Variants in SOX5 observed in about 807,000 individuals in gnomAD.
SOX5 encodes the protein SRY-box transcription factor 5.
A neutral mutation model predicts 92.0 loss-of-function variants in SOX5; 9 were observed. The observed-to-expected ratio is 0.10, with a 90% CI of 0.06 to 0.17. The LOEUF (loss-of-function observed/expected upper bound fraction) is 0.17, where lower values mean the gene tolerates loss of function less well. Among genes scored for constraint, SOX5 ranks in the 10% least tolerant of loss-of-function variants. SOX5 has a pLI of 1.00. For missense variants in SOX5, 642 were observed against 944.5 expected (o/e 0.68, Z 4.20); for synonymous variants, 344 against 336.3 (o/e 1.02, Z -0.25).
chr12:24,288,344 T>G (rs1314701348), intron 2 of SOX5, among the ~76,000 whole-genome samples: 1 of 152,216 alleles, frequency 6.6e-6, no homozygotes, highest in African/African-American at 2.4e-5. Flanking sequence ...GCCATCTGTT[T>G]TTGTCTCTTA....
At chr12:24,481,410 TAA>T (rs1451254142) in intron 1 of SOX5, among the ~76,000 whole-genome samples, 1 of 152,060 alleles carries the variant, frequency 6.6e-6, no homozygotes, top group East Asian at 1.9e-4. Context: ...TAAAAATAAC[TAA>T]AAGAGTATAA....
intron 2 of SOX5, among the ~76,000 whole-genome samples, chr12:24,358,941 T>C (rs1955191299): frequency 6.6e-6 from 1 of 152,224 alleles, no homozygotes; most frequent in African/African-American, 2.4e-5. Flanking sequence ...ACGTTTACCT[T>C]AGAAAGGAGG....
chr12:23,573,139 C>T lies in SOX5; in HGVS notation c.1342+2522G>A, dbSNP rs564832954. Reference sequence around the variant, plus strand: ...TCTATACATGTCTTTTGCACTTTTTCATATCTATACATGTCTCTAACTCTT... The same window carrying T: ...TCTATACATGTCTTTTGCACTTTTTTATATCTATACATGTCTCTAACTCTT... On this transcript the variant is annotated intron_variant, in intron 10 of 14. Transcript: ENST00000451604. Among the ~76,000 whole-genome samples, 4 of 152,118 alleles carry T rather than the reference C, an allele frequency of 2.6e-5. No homozygotes were observed. In the South Asian group the frequency reaches 6.2e-4, roughly 24 times the overall value.
chr12:24,359,350 G>T (rs1220673506), intron 2 of SOX5, among the ~76,000 whole-genome samples: 1 of 152,202 alleles, frequency 6.6e-6, no homozygotes, highest in Non-Finnish European at 1.5e-5. Context: ...TGATGCTCCG[G>T]TCTTGCCGTT....
intron 1 of SOX5, chr12:23,944,040 T>C (rs1319599595): frequency 6.6e-6 from 1 of 152,124 alleles, no homozygotes; most frequent in Non-Finnish European, 1.5e-5. Context: ...TTGGGTTTTT[T>C]GTTTTGTTTG....
chr12:23,842,433 T>C (rs2096529999), intron 3 of SOX5, among the ~76,000 whole-genome samples: 1 of 152,112 alleles, frequency 6.6e-6, no homozygotes, highest in Admixed American at 6.6e-5. Flanking sequence ...TATACATATA[T>C]AGGTTAGTAC....
chr12:23,990,502 G>C (rs1169921612), intron 4 of SOX5, among the ~76,000 whole-genome samples: 2 of 152,086 alleles, frequency 1.3e-5, no homozygotes, highest in African/African-American at 4.8e-5. Flanking sequence ...GCAGGCTATT[G>C]CTTTTAACTA....
intron 10 of SOX5, among the ~76,000 whole-genome samples, chr12:23,570,910 CAAAAAAAA>C (rs148593886): frequency 4.2e-3 from 34 of 8,154 alleles, no homozygotes; most frequent in South Asian, 0.013. Context: ...GACTCCAACT[CAAAAAAAA>C]AAAAAAAAAA....
intron 4 of SOX5, among the ~76,000 whole-genome samples, chr12:24,025,394 G>C (rs1954769523): frequency 6.6e-6 from 1 of 152,072 alleles, no homozygotes; most frequent in Admixed American, 6.6e-5. Context: ...AAAGAATCCA[G>C]TCTAGAGAGA....
intron 6 of SOX5, among the ~76,000 whole-genome samples, chr12:23,714,237 C>A (rs2092313429): frequency 6.6e-6 from 1 of 152,080 alleles, no homozygotes; most frequent in African/African-American, 2.4e-5. Flanking sequence ...AATTTATCTT[C>A]TAAATACTAA....
At chr12:23,874,403 A>G (rs2096905725) in intron 2 of SOX5, among the ~76,000 whole-genome samples, 1 of 152,196 alleles carries the variant, frequency 6.6e-6, no homozygotes, top group Middle Eastern at 3.2e-3. Context: ...CCATACGCAG[A>G]CCACCGCAAC....
chr12:23,640,849 G>A lies in SOX5; in HGVS notation c.980C>T (p.Ala327Val). The A allele has an allele frequency of 6.2e-7, 1 of 1,613,752 alleles. No individual in the cohort carries two copies. The change falls in exon 8 of 15, where the codon GCC becomes GTC. Residue 327 changes from alanine to valine, a missense_variant. Physicochemically the swap from Ala to Val is moderately conservative, Grantham distance 64. Around this residue, in one of 8 missense-constraint regions of SOX5, gnomAD observed 324 missense variants for 461.6 expected, o/e 0.70. Coordinates refer to ENST00000451604, the MANE Select transcript of SOX5 (RefSeq NM_006940.6). ...QLIPTTMAAA[A>V]AATPGLGPLQ... is the part of the protein sequence containing the mutation. ...TGGGCCTAAGCCTGGTGTTGCTGCG[G>A]CAGCAGCTGCCATGGTAGTTGGGAT...
At chr12:23,717,442 G>T (rs2092572183) in intron 6 of SOX5, among the ~76,000 whole-genome samples, 1 of 152,104 alleles carries the variant, frequency 6.6e-6, no homozygotes, top group Non-Finnish European at 1.5e-5. Context: ...ACAAAAAAAT[G>T]TATTCTTACC....
upstream of SOX5, chr12:23,951,054 A>C: frequency 1.8e-6 from 1 of 564,214 alleles, no homozygotes; most frequent in South Asian, 2.4e-5. Context: ...TTCTGCACAA[A>C]AGGCTACATT....
intron 1 of SOX5, among the ~76,000 whole-genome samples, chr12:23,948,063 G>T (rs1309394449): frequency 5.3e-5 from 8 of 152,066 alleles, no homozygotes; most frequent in Middle Eastern, 3.4e-3. Context: ...GTTCCACTAT[G>T]AATAACTTCA....
At chr12:24,201,301 T>G (rs1014340737) in intron 4 of SOX5, among the ~76,000 whole-genome samples, 1 of 152,090 alleles carries the variant, frequency 6.6e-6, no homozygotes. Context: ...GGTCACAGAC[T>G]CCTTTGAAAA....
chr12:23,604,600 A>G, intron 8 of SOX5, 67 bp from the exon 9 acceptor site: 2 of 1,464,144 alleles, frequency 1.4e-6, no homozygotes, highest in Non-Finnish European at 1.9e-6. Context: ...TACCATTCAG[A>G]AAGTACATAT....
intron 1 of SOX5, among the ~76,000 whole-genome samples, chr12:24,420,459 T>C (rs994232894): frequency 3.3e-5 from 5 of 152,212 alleles, no homozygotes; most frequent in East Asian, 1.9e-4. Flanking sequence ...AGGATTACAA[T>C]AGACCTAAGC....
At chr12:24,375,473 G>A (rs1216397935) in intron 1 of SOX5, among the ~76,000 whole-genome samples, 9 of 151,788 alleles carry the variant, frequency 5.9e-5, no homozygotes, top group African/African-American at 1.7e-4. Context: ...GGTGGCTCAC[G>A]CCTGTAATCT....
Sources: gnomAD v4.1 joint callset for allele counts (sites outside exome capture counted in the v4.1 genomes callset) on GRCh38, gnomAD v4.1.1 for gene constraint, gnomAD v4.1.1 regional missense constraint, MANE v1.5 for transcripts, NCBI Gene and HGNC (gene_info 2026-07-23, HGNC 2026-07-21) for gene names.